The following ARID3B variants were observed in gnomAD, a reference collection of about 807,000 sequenced individuals.
ARID3B encodes the protein AT-rich interactive domain-containing protein 3B.
In ARID3B, 10 loss-of-function variants were observed where a neutral mutation model predicts 51.9. The observed-to-expected ratio is 0.19, with a 90% confidence interval of 0.12 to 0.33. The LOEUF is 0.33. Ranked by LOEUF, ARID3B falls within the 10% of genes least tolerant of loss-of-function variation. ARID3B has a pLI of 1.00. For missense variants in ARID3B, 483 were observed against 716.3 expected (o/e 0.67, Z 3.72); for synonymous variants, 205 against 279.5 (o/e 0.73, Z 2.66).
chr15:74,580,159 A>G (rs4887162), intron 4 of ARID3B, among the ~76,000 whole-genome samples: 36,466 of 152,060 alleles, frequency 0.24, 5,782 homozygotes, highest in East Asian at 0.55. Flanking sequence ...CCACAGCCTG[A>G]GCAACAGAAT....
chr15:74,580,452 G>A (rs1280006853), intron 4 of ARID3B, among the ~76,000 whole-genome samples: 3 of 152,116 alleles, frequency 2.0e-5, no homozygotes, highest in Non-Finnish European at 4.4e-5. Flanking sequence ...ACAGAAGTGT[G>A]GTTTCATTAA....
At chr15:74,569,120 C>T (rs540420376) in intron 2 of ARID3B, among the ~76,000 whole-genome samples, 6 of 152,288 alleles carry the variant, frequency 3.9e-5, no homozygotes, top group Non-Finnish European at 8.8e-5. Context: ...CACCCATACT[C>T]TATTGATAGG....
intron 4 of ARID3B, among the ~76,000 whole-genome samples, chr15:74,579,362 G>C (rs905422065): frequency 6.6e-6 from 1 of 152,176 alleles, no homozygotes; most frequent in Non-Finnish European, 1.5e-5. Context: ...GCAGTGCCCT[G>C]TGGGGGTGGA....
chr15:74,587,618 T>C (rs1160375489), intron 4 of ARID3B, among the ~76,000 whole-genome samples: 1 of 152,092 alleles, frequency 6.6e-6, no homozygotes, highest in Non-Finnish European at 1.5e-5. Flanking sequence ...AGTGGTCCTC[T>C]CAGACACTCC....
chr15:74,548,511 T>C (rs1004479376), intron 2 of ARID3B, among the ~76,000 whole-genome samples: 1 of 152,176 alleles, frequency 6.6e-6, no homozygotes, highest in Non-Finnish European at 1.5e-5. Flanking sequence ...GCACAATAAA[T>C]GTTGGCCCCC....
At position 74,597,511 on chromosome 15, in the gene ARID3B, A is replaced by G; in HGVS notation, c.*1737A>G. ...CACACTCACCCCCACTCCCACACAC[A>G]TACACACACACACACACATACCCCA... On this transcript the variant is annotated 3_prime_UTR_variant, in exon 9 of 9. Coordinates refer to ENST00000346246, the MANE Select transcript of ARID3B (RefSeq NM_006465.4). 3 of 535,372 alleles carry G rather than the reference A, an allele frequency of 5.6e-6. No individual in the cohort carries two copies. The highest frequency in any genetic ancestry group is 4.5e-4 in the Middle Eastern group (1 of 2,200). 33.2% of individuals were successfully genotyped at this position (535,372 alleles called of 1,614,324 possible). A position where few individuals can be genotyped will look rare whatever the true frequency, so the allele number is the denominator to read the frequency against.
At chr15:74,594,396 T>G (rs951154749) in intron 8 of ARID3B, among the ~76,000 whole-genome samples, 15 of 151,788 alleles carry the variant, frequency 9.9e-5, no homozygotes, top group African/African-American at 3.1e-4. Flanking sequence ...TGCAGTGAGC[T>G]GAGATCGCGC....
At chr15:74,566,534 C>G (rs1251810929) in intron 2 of ARID3B, among the ~76,000 whole-genome samples, 1 of 150,322 alleles carries the variant, frequency 6.7e-6, no homozygotes, top group Non-Finnish European at 1.5e-5. Context: ...ACCAGGGAGG[C>G]GGAGGTTGTA....
At chr15:74,545,780 C>A (rs1596248564) in intron 2 of ARID3B, among the ~76,000 whole-genome samples, 1 of 152,192 alleles carries the variant, frequency 6.6e-6, no homozygotes, top group Non-Finnish European at 1.5e-5. Context: ...TACAGTAGAT[C>A]TGAGTTTTAC....
At chr15:74,586,406 G>A (rs936871949) in intron 4 of ARID3B, among the ~76,000 whole-genome samples, 1 of 152,242 alleles carries the variant, frequency 6.6e-6, no homozygotes, top group African/African-American at 2.4e-5. Flanking sequence ...ATACAGTCAC[G>A]TTGTGTGTGA....
chr15:74,558,744 C>T (rs985541501), intron 2 of ARID3B, among the ~76,000 whole-genome samples: 2 of 151,974 alleles, frequency 1.3e-5, no homozygotes, highest in Non-Finnish European at 2.9e-5. Flanking sequence ...GGTTTATTTC[C>T]TCTTGGTTTG....
chr15:74,550,117 G>A (rs545490007), intron 2 of ARID3B, among the ~76,000 whole-genome samples: 3 of 152,222 alleles, frequency 2.0e-5, no homozygotes, highest in East Asian at 1.9e-4. Context: ...TATCTGTACC[G>A]AGCTCATGTC....
intron 8 of ARID3B, 142 bp downstream of exon 8, chr15:74,593,378 C>T: frequency 2.8e-6 from 2 of 712,422 alleles, no homozygotes; most frequent in Non-Finnish European, 4.7e-6. Flanking sequence ...TTGCAAAGGT[C>T]AAGTGGTCCT....
At chr15:74,579,805 G>A (rs1567124137) in intron 4 of ARID3B, among the ~76,000 whole-genome samples, 1 of 151,194 alleles carries the variant, frequency 6.6e-6, no homozygotes, top group Non-Finnish European at 1.5e-5. Flanking sequence ...GAACTCTGAT[G>A]CCCCTTTGGG....
intron 4 of ARID3B, among the ~76,000 whole-genome samples, chr15:74,577,365 G>A (rs1270063828): frequency 1.3e-5 from 2 of 151,686 alleles, no homozygotes; most frequent in Non-Finnish European, 2.9e-5. Flanking sequence ...TGAGTCAGGA[G>A]AATCACTTGA....
chr15:74,557,498 G>T (rs1193617218), intron 2 of ARID3B, among the ~76,000 whole-genome samples: 2 of 151,882 alleles, frequency 1.3e-5, no homozygotes, highest in Admixed American at 6.6e-5. Context: ...CATAGCTTTA[G>T]ATTCTACATT....
chr15:74,585,135 C>T (rs1325609671), intron 4 of ARID3B, among the ~76,000 whole-genome samples: 1 of 152,190 alleles, frequency 6.6e-6, no homozygotes, highest in Non-Finnish European at 1.5e-5. Flanking sequence ...GGTGCTCACC[C>T]CCTTCTGGGA....
At chr15:74,567,098 A>T (rs2061702110) in intron 2 of ARID3B, among the ~76,000 whole-genome samples, 1 of 152,164 alleles carries the variant, frequency 6.6e-6, no homozygotes, top group Admixed American at 6.5e-5. Flanking sequence ...GAAAACATCC[A>T]CTGCCTCCCC....
chr15:74,575,397 A>G (rs1050949141), intron 4 of ARID3B, among the ~76,000 whole-genome samples: 2 of 152,166 alleles, frequency 1.3e-5, no homozygotes, highest in African/African-American at 4.8e-5. Flanking sequence ...TCATTCTTTC[A>G]TGTCCCCAGT....
Sources: gnomAD v4.1 joint callset for allele counts (sites outside exome capture counted in the v4.1 genomes callset) on GRCh38, gnomAD v4.1.1 for gene constraint, MANE v1.5 for transcripts, NCBI Gene and HGNC (gene_info 2026-07-23, HGNC 2026-07-21) for gene names.